EEF1D: variants seen among roughly 807,000 people sequenced by gnomAD.
EEF1D encodes the protein elongation factor 1-delta.
Under a neutral mutation model 63.9 loss-of-function variants are expected in EEF1D, and 47 were observed. The ratio of observed to expected loss-of-function variants is 0.74; its 90% CI spans 0.58 to 0.94. EEF1D has a LOEUF of 0.94. EEF1D is among the 40% of genes least tolerant of loss of function. The pLI is 0.00. For missense variants in EEF1D, 907 were observed against 899.0 expected (o/e 1.01, Z -0.11); for synonymous variants, 412 against 386.1 (o/e 1.07, Z -0.79).
Position 143,581,341 on chromosome 8 carries a change from A to G in EEF1D, c.1288-13T>C, listed in dbSNP as rs776476238. On this transcript the variant is annotated splice_polypyrimidine_tract_variant and intron_variant, in intron 5 of 9. Coordinates refer to ENST00000618139, the MANE Select transcript of EEF1D (RefSeq NM_001130053.5). Reference sequence around the variant, plus strand: ...CGGGGCCTGAGCTCTGCAAGGCAGGAGGAGGGGAGGGCTCAGTGCCCAGCC... The same window carrying G: ...CGGGGCCTGAGCTCTGCAAGGCAGGGGGAGGGGAGGGCTCAGTGCCCAGCC... The G allele has an allele frequency of 4.7e-5, 76 of 1,607,466 alleles. No homozygotes were observed. Among genetic ancestry groups the G allele is most frequent in the Admixed American group, 5.0e-5 (3 of 59,644 alleles).
chr8:143,589,925 C>A lies in EEF1D; in HGVS notation c.157G>T (p.Gly53Cys), dbSNP rs771677695. ...PAEGPAMNGP[G>C]QDDPEDADEA... ...TCAGCGTCCTCAGGGTCGTCCTGGC[C>A]GGGCCCATTCATGGCTGGCCCCTCG... The change falls in exon 3 of 10, where the codon GGC (glycine) becomes TGC (cysteine). Residue 53 changes from glycine (G) to cysteine (C), a missense_variant. Coordinates refer to ENST00000618139, the MANE Select transcript of EEF1D (RefSeq NM_001130053.5). 1 of 1,599,866 alleles carries A rather than the reference C, an allele frequency of 6.3e-7. No individual in the cohort carries two copies. Among genetic ancestry groups the A allele is most frequent in the South Asian group, 1.1e-5 (1 of 90,882 alleles).
At position 143,589,879 on chromosome 8, in the gene EEF1D, C is replaced by T; in HGVS notation, c.203G>A (p.Gly68Asp). 1.9e-6 allele frequency: 3 copies of T among 1,599,422 alleles called. No individual in the cohort carries two copies. Among genetic ancestry groups the T allele is most frequent in the Non-Finnish European group, 2.6e-6 (3 of 1,175,732 alleles). Reference sequence around the variant, plus strand: ...CTTCCTGGGATCACGCCTGCTGCCGCCGTCAGGGGCTTCCGCCTCATCAGC... The same window carrying T: ...CTTCCTGGGATCACGCCTGCTGCCGTCGTCAGGGGCTTCCGCCTCATCAGC... ...EDADEAEAPD[G>D]GSRRDPRKSQ... Residue 68 changes from glycine to aspartate, a missense_variant, in exon 3 of 10, where the codon GGC (glycine) becomes GAC (aspartate). Gly to Asp is a moderately conservative substitution (Grantham distance 94). Coordinates refer to ENST00000618139, the MANE Select transcript of EEF1D (RefSeq NM_001130053.5).
chr8:143,584,605 G>A (rs1042868322), intron 5 of EEF1D, among the ~76,000 whole-genome samples: 3 of 152,008 alleles, frequency 2.0e-5, no homozygotes, highest in East Asian at 1.9e-4. Context: ...ACCCTAGCCT[G>A]TCTTGAGCAC....
At chr8:143,595,365 C>T (rs1481587543) in intron 1 of EEF1D, among the ~76,000 whole-genome samples, 8 of 152,144 alleles carry the variant, frequency 5.3e-5, no homozygotes, top group East Asian at 1.9e-4. Context: ...GCCATGCGCC[C>T]AGCCTAATTT....
intron 3 of EEF1D, among the ~76,000 whole-genome samples, chr8:143,588,482 G>T (rs1002757494): frequency 6.6e-6 from 1 of 152,236 alleles, no homozygotes; most frequent in Non-Finnish European, 1.5e-5. Flanking sequence ...ACATGCCCAT[G>T]CATCTGAGAC....
intron 3 of EEF1D, chr8:143,587,222 G>A (rs2382962): frequency 0.81 from 133,476 of 165,662 alleles, 55,692 homozygotes; most frequent in Non-Finnish European, 0.92. Flanking sequence ...TCTGCTCACT[G>A]AATTTTTTGG....
chr8:143,585,224 G>A (rs1367981349), intron 5 of EEF1D, among the ~76,000 whole-genome samples: 9 of 152,176 alleles, frequency 5.9e-5, no homozygotes, highest in Non-Finnish European at 1.3e-4. Context: ...CTGGACCTGG[G>A]ATCCTGGGGG....
At position 143,589,587 on chromosome 8, in the gene EEF1D, G is replaced by A; in HGVS notation, c.495C>T (p.Val165=). ...CAGCCTGGTCGAAGGAGGACTTGTT[G>A]ACCCAGATCCCCCAGGTCACGTGGT... The part of the protein sequence containing the change: ...ACHHVTWGIW[V]NKSSFDQAER... Residue 165 remains valine, a synonymous_variant, in exon 3 of 10, where the codon GTC becomes GTT. Coordinates refer to ENST00000618139, the MANE Select transcript of EEF1D (RefSeq NM_001130053.5). The A allele has an allele frequency of 6.6e-7, 1 of 1,521,376 alleles. No homozygotes were observed. Among genetic ancestry groups the A allele is most frequent in the Non-Finnish European group, 8.8e-7 (1 of 1,133,898 alleles). The allele number at this position is 1,521,376 out of a possible 1,614,324, so 94.2% of individuals were successfully genotyped here.
chr8:143,591,675 C>G (rs1827988953), intron 2 of EEF1D, among the ~76,000 whole-genome samples: 1 of 152,252 alleles, frequency 6.6e-6, no homozygotes. Flanking sequence ...CAGACAGACC[C>G]AGTGGCCCCA....
At chr8:143,586,905 C>T in intron 3 of EEF1D, 53 bp from the exon 4 acceptor site, 1 of 1,603,404 alleles carries the variant, frequency 6.2e-7, no homozygotes, top group South Asian at 1.1e-5. Flanking sequence ...GCCTCGGCAT[C>T]AGGACAGCCC....
Position 143,592,651 on chromosome 8 carries a change from C to A in EEF1D, c.-5G>T, listed in dbSNP as rs117878516. 6.5e-3 allele frequency: 6,377 copies of A among 985,538 alleles called. 32 individuals are homozygous for A. The highest frequency in any genetic ancestry group is 7.2e-3 in the Non-Finnish European group (5,999 of 829,978). 61.0% of individuals were successfully genotyped at this position (985,538 alleles called of 1,614,324 possible). A position where few individuals can be genotyped will look rare whatever the true frequency, so the allele number is the denominator to read the frequency against. Reference sequence around the variant, plus strand: ...TGAGGACAGGCGAGTACTTACTTTGCTTTGGCCTCCTAGGACAGCATGAAG... The same window carrying A: ...TGAGGACAGGCGAGTACTTACTTTGATTTGGCCTCCTAGGACAGCATGAAG... On this transcript the variant is annotated 5_prime_UTR_variant, in exon 2 of 10. Transcript: ENST00000618139.
At chr8:143,581,416 G>A in intron 5 of EEF1D, 88 bp from the exon 6 acceptor site, 1 of 1,227,790 alleles carries the variant, frequency 8.1e-7, no homozygotes. Context: ...ACTCACGGAA[G>A]GAAAACTACA....
intron 7 of EEF1D, 46 bp downstream of exon 7, chr8:143,581,008 G>T: frequency 6.3e-7 from 1 of 1,588,818 alleles, no homozygotes. Flanking sequence ...GAAGCCAGCA[G>T]GGCCACGTGG....
At chr8:143,584,858 G>A (rs544073881) in intron 5 of EEF1D, among the ~76,000 whole-genome samples, 2 of 152,254 alleles carry the variant, frequency 1.3e-5, no homozygotes, top group South Asian at 4.1e-4. Context: ...GTGACGCCCT[G>A]TTTCCTTCTT....
chr8:143,592,537 G>T, intron 2 of EEF1D, 110 bp downstream of exon 2: 1 of 929,170 alleles, frequency 1.1e-6, no homozygotes, highest in Non-Finnish European at 1.3e-6. Context: ...GGCCCTCTGG[G>T]CAGACTGGGC....
In EEF1D at chr8:143,586,387, G is replaced by A. The variant is rs192927650; in HGVS notation, c.1216-97C>T. The A allele has an allele frequency of 1.9e-3, 2,220 of 1,172,300 alleles. 1 individual carries two copies. Among genetic ancestry groups the A allele is most frequent in the Admixed American group, 3.5e-3 (124 of 35,880 alleles). The allele number at this position is 1,172,300 out of a possible 1,614,324, so 72.6% of individuals were successfully genotyped here. On this transcript the variant is annotated intron_variant, in intron 4 of 9. Transcript: ENST00000618139. ...AAAACCCCATGAACCCTCACATAGAGACAGCAAGAAAGTACTGCACAGAAC... is the reference window on the plus strand; with the variant it reads ...AAAACCCCATGAACCCTCACATAGAAACAGCAAGAAAGTACTGCACAGAAC...
Position 143,581,195 on chromosome 8 carries a change from GGGACAGCCCCAACCCACTGGCCC to G in EEF1D, c.1387+11_1387+33del. On this transcript the variant is annotated intron_variant, in intron 6 of 9. Coordinates refer to ENST00000618139, the MANE Select transcript of EEF1D (RefSeq NM_001130053.5). Reference sequence around the variant, plus strand: ...GAGCACGGTTAGATGGCAGGGGCCAGGGACAGCCCCAACCCACTGGCCCGGGGCCTCACCGCCACGCAGACTCT... The same window carrying G: ...GAGCACGGTTAGATGGCAGGGGCCAGGGGGCCTCACCGCCACGCAGACTCT... 1 of 1,612,770 alleles carries G rather than the reference GGGACAGCCCCAACCCACTGGCCC, an allele frequency of 6.2e-7. No individual in the cohort carries two copies. The highest frequency in any genetic ancestry group is 8.5e-7 in the Non-Finnish European group (1 of 1,179,862).
intron 1 of EEF1D, 91 bp from the exon 2 acceptor site, chr8:143,592,751 C>T (rs1164197019): frequency 7.2e-6 from 7 of 975,168 alleles, no homozygotes; most frequent in African/African-American, 3.5e-5. Flanking sequence ...CCGGGGCGGC[C>T]GGGGGCCTTT....
Position 143,589,718 on chromosome 8 carries a change from C to A in EEF1D, c.364G>T (p.Glu122Ter). The A allele has an allele frequency of 6.6e-7, 1 of 1,524,424 alleles. No individual in the cohort carries two copies. The highest frequency in any genetic ancestry group is 8.8e-7 in the Non-Finnish European group (1 of 1,136,204). The allele number at this position is 1,524,424 out of a possible 1,614,324, so 94.4% of individuals were successfully genotyped here. A position where few individuals can be genotyped will look rare whatever the true frequency, so the allele number is the denominator to read the frequency against. The change falls in exon 3 of 10, where the codon GAG becomes TAG. Residue 122 changes from glutamate (E) to a stop codon, truncating the protein, a stop_gained. Transcript: ENST00000618139. LOFTEE classifies it high-confidence loss of function. ...GCCAGCTTCTGGCGGTAGGAGCTCTCTGCCTGGTCGAAAAGTGACTTGTCC... is the reference window on the plus strand; with the variant it reads ...GCCAGCTTCTGGCGGTAGGAGCTCTATGCCTGGTCGAAAAGTGACTTGTCC... ...WLDKSLFDQA[E>*]SSYRQKLADV... is the part of the protein sequence containing the mutation.
Sources: allele counts gnomAD v4.1 joint callset (sites outside exome capture counted in the v4.1 genomes callset), GRCh38; gene constraint gnomAD v4.1.1; transcripts MANE v1.5; gene names NCBI Gene and HGNC (gene_info 2026-07-23, HGNC 2026-07-21).